Variants in PRELID2 observed in about 807,000 individuals in gnomAD.
The protein encoded by PRELID2 is PRELI domain containing 2.
Under a neutral mutation model 28.4 loss-of-function variants are expected in PRELID2, and 25 were observed. That is an observed-to-expected ratio of 0.88 (90% CI 0.64 to 1.23). PRELID2 has a LOEUF of 1.23. PRELID2 is among the 50% of genes most tolerant of loss of function. The probability of loss-of-function intolerance (pLI) is 0.00; values close to 1 mark genes in which losing one functional copy is unlikely to be tolerated. For synonymous variants in PRELID2, 76 were observed against 71.6 expected (o/e 1.06, Z -0.31); for missense variants, 201 against 214.4 (o/e 0.94, Z 0.39).
chr5:145,741,346 T>C (rs1198643606), intron 1 of PRELID2, among the ~76,000 whole-genome samples: 1 of 115,268 alleles, frequency 8.7e-6, no homozygotes, highest in Non-Finnish European at 1.6e-5. Flanking sequence ...AAATAAAATT[T>C]ATTAATAAAT....
At chr5:145,636,386 A>G (rs1466548467) in intron 1 of PRELID2, among the ~76,000 whole-genome samples, 2 of 152,210 alleles carry the variant, frequency 1.3e-5, no homozygotes, top group Admixed American at 6.5e-5. Context: ...TTGTATCTAA[A>G]GAGTGTGCTC....
At chr5:145,817,198 A>AAAAATATATATATATAT (rs1365517052) in intron 4 of PRELID2, among the ~76,000 whole-genome samples, 1 of 70,090 alleles carries the variant, frequency 1.4e-5, no homozygotes. Flanking sequence ...TTCAAAAAAA[A>AAAAATATATATATATAT]ATAAATAAAT....
At chr5:145,419,712 T>C in the PRELID2 span, among the ~76,000 whole-genome samples, 1 of 152,206 alleles carries the variant, frequency 6.6e-6, no homozygotes, top group Non-Finnish European at 1.5e-5. Flanking sequence ...TTTGTTTTGC[T>C]GTGCAGAAGC....
In PRELID2 at chr5:145,824,463, T is replaced by TGTGTGTGTGTGTGTGTGTGA. The variant is rs373555427; in HGVS notation, c.76-1330_76-1329insTCACACACACACACACACAC. Among the ~76,000 whole-genome samples the TGTGTGTGTGTGTGTGTGTGA allele has an allele frequency of 6.2e-3, 897 of 143,630 alleles. 28 individuals are homozygous for TGTGTGTGTGTGTGTGTGTGA. Among genetic ancestry groups the TGTGTGTGTGTGTGTGTGTGA allele is most frequent in the Non-Finnish European group, 1.0e-2 (656 of 65,610 alleles). 94.2% of individuals were successfully genotyped at this position (143,630 alleles called of 152,430 possible). A position where few individuals can be genotyped will look rare whatever the true frequency, so the allele number is the denominator to read the frequency against. On this transcript the variant is annotated intron_variant, in intron 1 of 6. Coordinates refer to ENST00000683046, the MANE Select transcript of PRELID2 (RefSeq NM_205846.3). Reference sequence around the variant, plus strand: ...GTGTGTGTGTGTGTGTGTGTGTGTGTGATATTGATTTATTAATGGATTTTT... The same window carrying TGTGTGTGTGTGTGTGTGTGA: ...GTGTGTGTGTGTGTGTGTGTGTGTGTGTGTGTGTGTGTGTGTGTGAGATATTGATTTATTAATGGATTTTT...
the PRELID2 span, among the ~76,000 whole-genome samples, chr5:145,412,948 A>C: frequency 6.6e-6 from 1 of 152,042 alleles, no homozygotes; most frequent in Non-Finnish European, 1.5e-5. Flanking sequence ...ATGAGAAATC[A>C]CTCACTATCA....
the PRELID2 span, among the ~76,000 whole-genome samples, chr5:145,362,663 G>A: frequency 2.0e-5 from 3 of 152,054 alleles, no homozygotes; most frequent in Non-Finnish European, 4.4e-5. Flanking sequence ...GACCAAGGGA[G>A]AAAAAATAGT....
chr5:145,249,655 C>T, the PRELID2 span, among the ~76,000 whole-genome samples: 1 of 152,224 alleles, frequency 6.6e-6, no homozygotes, highest in African/African-American at 2.4e-5. Context: ...GGTTCACCTT[C>T]CTTCAACATT....
chr5:145,521,126 G>A (rs558124914), intron 1 of PRELID2, among the ~76,000 whole-genome samples: 1 of 152,308 alleles, frequency 6.6e-6, no homozygotes, highest in Admixed American at 6.5e-5. Context: ...AGGAATGTCA[G>A]TTAGTTAATC....
At chr5:145,541,708 A>T (rs142703018) in intron 1 of PRELID2, among the ~76,000 whole-genome samples, 1 of 152,058 alleles carries the variant, frequency 6.6e-6, no homozygotes, top group East Asian at 1.9e-4. Flanking sequence ...GATGGAAGGC[A>T]TTCAGTTTTT....
chr5:145,305,927 A>G, the PRELID2 span, among the ~76,000 whole-genome samples: 10 of 152,182 alleles, frequency 6.6e-5, no homozygotes, highest in African/African-American at 2.4e-4. Context: ...AAAGATGAAT[A>G]TGCTGTAGGG....
At chr5:145,425,683 C>T in the PRELID2 span, among the ~76,000 whole-genome samples, 1 of 152,080 alleles carries the variant, frequency 6.6e-6, no homozygotes, top group Non-Finnish European at 1.5e-5. Context: ...CATATTCTCA[C>T]TTATAAGGGG....
the PRELID2 span, among the ~76,000 whole-genome samples, chr5:145,249,979 G>A: frequency 5.3e-5 from 8 of 150,278 alleles, no homozygotes; most frequent in Non-Finnish European, 7.4e-5. Context: ...TTGATGCATA[G>A]CCAATTGCAA....
At chr5:145,787,795 C>T (rs996610312) in intron 5 of PRELID2, among the ~76,000 whole-genome samples, 2 of 152,120 alleles carry the variant, frequency 1.3e-5, no homozygotes, top group Non-Finnish European at 1.5e-5. Flanking sequence ...CCCACTTCAG[C>T]GTCCCAAAGT....
the PRELID2 span, among the ~76,000 whole-genome samples, chr5:145,378,929 A>T: frequency 2.0e-5 from 3 of 151,942 alleles, no homozygotes; most frequent in African/African-American, 4.8e-5. Context: ...ATCTACCTTC[A>T]ATCTTTGAGA....
chr5:145,395,284 C>A, the PRELID2 span, among the ~76,000 whole-genome samples: 1 of 152,068 alleles, frequency 6.6e-6, no homozygotes, highest in Non-Finnish European at 1.5e-5. Flanking sequence ...AAAAGGCATC[C>A]ATGAAAACGA....
intron 1 of PRELID2, among the ~76,000 whole-genome samples, chr5:145,524,015 C>T (rs1580967572): frequency 6.6e-6 from 1 of 152,120 alleles, no homozygotes; most frequent in South Asian, 2.1e-4. Flanking sequence ...ATCTGTGCTG[C>T]TTCTCAAAGG....
At chr5:145,597,342 A>G (rs909433531) in intron 1 of PRELID2, among the ~76,000 whole-genome samples, 1 of 152,210 alleles carries the variant, frequency 6.6e-6, no homozygotes, top group Admixed American at 6.5e-5. Context: ...ACTTCAAGCC[A>G]TATCTAGCCA....
intron 1 of PRELID2, among the ~76,000 whole-genome samples, chr5:145,573,454 G>A (rs888195662): frequency 2.0e-5 from 3 of 151,798 alleles, no homozygotes; most frequent in East Asian, 3.9e-4. Flanking sequence ...TACCTTTTAA[G>A]CCCCACATGC....
chr5:145,526,744 C>T (rs1049487885), intron 1 of PRELID2, among the ~76,000 whole-genome samples: 1 of 152,078 alleles, frequency 6.6e-6, no homozygotes, highest in Non-Finnish European at 1.5e-5. Flanking sequence ...CTCCAGAAGG[C>T]GTGATCAGAG....
Sources: allele counts gnomAD v4.1 joint callset (sites outside exome capture counted in the v4.1 genomes callset), GRCh38; gene constraint gnomAD v4.1.1; transcripts MANE v1.5; gene names NCBI Gene and HGNC (gene_info 2026-07-23, HGNC 2026-07-21).